ZNF697: variants seen among roughly 807,000 people sequenced by gnomAD.
ZNF697 encodes zinc finger protein 697.
In ZNF697, 23 loss-of-function variants were observed where a neutral mutation model predicts 32.4. The observed-to-expected ratio is 0.71, with a 90% CI of 0.51 to 1.01. ZNF697 has a LOEUF of 1.01. ZNF697 is among the 50% of genes least tolerant of loss of function. The probability of loss-of-function intolerance (pLI) is 0.00; values close to 1 mark genes in which losing one functional copy is unlikely to be tolerated. For synonymous variants in ZNF697, 418 were observed against 337.2 expected, an observed-to-expected ratio of 1.24 and a Z score of -2.62; for missense variants, 930 against 794.0, an observed-to-expected ratio of 1.17 and a Z score of -2.06.
At chr1:119,626,309 C>T (rs939457003) in intron 1 of ZNF697, among the ~76,000 whole-genome samples, 172 bp from the exon 2 acceptor site, 2 of 152,310 alleles carry the variant, frequency 1.3e-5, no homozygotes, top group South Asian at 4.2e-4. Flanking sequence ...GGAGGGTGGA[C>T]TGGGTGGCAG....
At position 119,621,517 on chromosome 1, in the gene ZNF697, A is replaced by C. The variant is rs1328293198; in HGVS notation, c.*1188T>G. The C allele has an allele frequency of 2.0e-5, 3 of 152,640 alleles. No homozygotes were observed. Among genetic ancestry groups the C allele is most frequent in the Non-Finnish European group, 2.9e-5 (2 of 68,044 alleles). The allele number at this position is 152,640 out of a possible 1,614,324, so 9.5% of individuals were successfully genotyped here. ...AATTTTGCATTTACACCTCTCCCTG[A>C]CTGGGCTCTTCTGGGTAAAGCCTTG... is the stretch of plus-strand genomic sequence containing the variant. On this transcript the variant is annotated 3_prime_UTR_variant, in exon 3 of 3. Transcript: ENST00000421812.
At chr1:119,634,413 C>G (rs184259278) in intron 1 of ZNF697, among the ~76,000 whole-genome samples, 1 of 152,254 alleles carries the variant, frequency 6.6e-6, no homozygotes, top group East Asian at 1.9e-4. Flanking sequence ...GACACCTCTC[C>G]CTATAATCTG....
chr1:119,623,985 C>T lies in ZNF697; in HGVS notation c.358G>A (p.Asp120Asn), dbSNP rs762361165. 15 of 1,611,552 alleles carry T rather than the reference C, an allele frequency of 9.3e-6. No individual in the cohort carries two copies. The East Asian group carries it at 3.1e-4, about 34-fold the overall frequency. The change falls in exon 3 of 3, where the codon GAC (aspartate) becomes AAC (asparagine). Residue 120 changes from aspartate (D) to asparagine (N), a missense_variant. Coordinates refer to ENST00000421812, the MANE Select transcript of ZNF697 (RefSeq NM_001080470.2). The stretch of plus-strand genomic sequence containing the variant: ...CGGTTCTCCCCAGCACTCTCGTCGT[C>T]GTCCTCCCGGAGGCTCCGGGATATG... ...DSISRSLREDDDESAGENRLE... is the reference protein window; with the variant it reads ...DSISRSLREDNDESAGENRLE...
At chr1:119,626,251 C>G (rs1029848149) in intron 1 of ZNF697, 114 bp from the exon 2 acceptor site, 2 of 1,334,796 alleles carry the variant, frequency 1.5e-6, no homozygotes, top group African/African-American at 1.5e-5. Flanking sequence ...CCCCAGATGG[C>G]AAACCTCCAC....
intron 2 of ZNF697, among the ~76,000 whole-genome samples, chr1:119,625,102 A>C (rs1345215456): frequency 6.6e-6 from 1 of 151,938 alleles, no homozygotes. Flanking sequence ...CGTATCCCCA[A>C]GCAGAGGGAA....
At chr1:119,635,625 A>C (rs1361635671) in intron 1 of ZNF697, among the ~76,000 whole-genome samples, 1 of 152,206 alleles carries the variant, frequency 6.6e-6, no homozygotes, top group African/African-American at 2.4e-5. Flanking sequence ...AAACTAATGA[A>C]AGGATGTGAG....
intron 1 of ZNF697, among the ~76,000 whole-genome samples, chr1:119,644,749 A>G (rs1280493570): frequency 6.6e-6 from 1 of 152,248 alleles, no homozygotes; most frequent in Admixed American, 6.5e-5. Context: ...GTAATCACAT[A>G]AAAAGAAGCA....
At chr1:119,645,815 A>G (rs771620530) in intron 1 of ZNF697, among the ~76,000 whole-genome samples, 2 of 152,200 alleles carry the variant, frequency 1.3e-5, no homozygotes, top group Non-Finnish European at 2.9e-5. Flanking sequence ...ATACAAAGAA[A>G]AGCCCATATG....
chr1:119,623,744 G>A lies in ZNF697; in HGVS notation c.599C>T (p.Pro200Leu). The change falls in exon 3 of 3, where the codon CCT (proline) becomes CTT (leucine). Residue 200 changes from proline to leucine, a missense_variant. Coordinates refer to ENST00000421812, the MANE Select transcript of ZNF697 (RefSeq NM_001080470.2). Reference sequence around the variant, plus strand: ...CTGGTGCTGCAGGAAGGCGGCGCCAGGACTGAAGCTCTCCCCGCAGTCGGG... The same window carrying A: ...CTGGTGCTGCAGGAAGGCGGCGCCAAGACTGAAGCTCTCCCCGCAGTCGGG... The part of the protein sequence containing the change: ...ICPDCGESFS[P>L]GAAFLQHQRI... 5 of 1,538,966 alleles carry A rather than the reference G, an allele frequency of 3.2e-6. No individual in the cohort carries two copies. The highest frequency in any genetic ancestry group is 4.4e-6 in the Non-Finnish European group (5 of 1,145,846).
intron 1 of ZNF697, among the ~76,000 whole-genome samples, chr1:119,631,640 G>C (rs1470988072): frequency 6.6e-6 from 1 of 152,208 alleles, no homozygotes; most frequent in East Asian, 1.9e-4. Context: ...CAGGGCAGAG[G>C]GCGGAGGAGT....
At chr1:119,631,476 C>A (rs587640943) in intron 1 of ZNF697, among the ~76,000 whole-genome samples, 30 of 152,354 alleles carry the variant, frequency 2.0e-4, no homozygotes, top group African/African-American at 7.0e-4. Context: ...AATGGCCAAG[C>A]GCGTTAGGAC....
chr1:119,634,181 T>C (rs1385862338), intron 1 of ZNF697, among the ~76,000 whole-genome samples: 1 of 152,198 alleles, frequency 6.6e-6, no homozygotes, highest in Non-Finnish European at 1.5e-5. Flanking sequence ...TCCACTGTAA[T>C]GAATAGCCCT....
intron 1 of ZNF697, among the ~76,000 whole-genome samples, chr1:119,631,825 T>A (rs185063754): frequency 2.0e-5 from 3 of 151,976 alleles, no homozygotes; most frequent in Admixed American, 6.6e-5. Flanking sequence ...CCCTACCTCC[T>A]CAGAGGAACG....
chr1:119,644,889 T>C (rs1445105503), intron 1 of ZNF697, among the ~76,000 whole-genome samples: 2 of 152,216 alleles, frequency 1.3e-5, no homozygotes, highest in African/African-American at 4.8e-5. Context: ...GCTTGGGCTA[T>C]AAAAATAAAA....
In ZNF697 at chr1:119,622,837, A is replaced by G. The variant is rs1476161096; in HGVS notation, c.1506T>C (p.Phe502=). 3.7e-6 allele frequency: 6 copies of G among 1,606,450 alleles called. No homozygotes were observed. The East Asian group carries it at 6.7e-5, about 18-fold the overall frequency. Residue 502 remains phenylalanine (F), a synonymous_variant, in exon 3 of 3, where the codon TTT becomes TTC. Coordinates refer to ENST00000421812, the MANE Select transcript of ZNF697 (RefSeq NM_001080470.2). ...PYTCIECGKS[F]IQSSHLIRHR... Reference sequence around the variant, plus strand: ...GGCGGATCAGGTGGGAGCTCTGGATAAAGCTCTTGCCGCACTCGATGCACG... The same window carrying G: ...GGCGGATCAGGTGGGAGCTCTGGATGAAGCTCTTGCCGCACTCGATGCACG...
rs970027065 is a variant in ZNF697, at chr1:119,621,351, G to A, written c.*1354C>T. ...TTCCCAGGCCTTCCCTAAGACAGCG[G>A]TCATAATACTGATCTAACTCACAAT... is the stretch of plus-strand genomic sequence containing the variant. On this transcript the variant is annotated 3_prime_UTR_variant, in exon 3 of 3. Coordinates refer to ENST00000421812, the MANE Select transcript of ZNF697 (RefSeq NM_001080470.2). The A allele has an allele frequency of 1.3e-5, 2 of 152,584 alleles. No individual in the cohort carries two copies. Among genetic ancestry groups the A allele is most frequent in the African/African-American group, 4.8e-5 (2 of 41,434 alleles). 9.5% of individuals were successfully genotyped at this position (152,584 alleles called of 1,614,324 possible).
At chr1:119,633,004 A>C (rs1173341855) in intron 1 of ZNF697, among the ~76,000 whole-genome samples, 1 of 152,190 alleles carries the variant, frequency 6.6e-6, no homozygotes, top group Non-Finnish European at 1.5e-5. Flanking sequence ...TAGTAAGAGA[A>C]ACTTTGGGCA....
At chr1:119,634,577 A>G (rs1648871264) in intron 1 of ZNF697, among the ~76,000 whole-genome samples, 1 of 152,242 alleles carries the variant, frequency 6.6e-6, no homozygotes, top group Non-Finnish European at 1.5e-5. Context: ...GTTTGAAATA[A>G]TTACATACCT....
intron 2 of ZNF697, among the ~76,000 whole-genome samples, chr1:119,624,494 G>C (rs1648513400): frequency 2.6e-5 from 4 of 152,256 alleles, no homozygotes; most frequent in Admixed American, 2.0e-4. Context: ...CACTCCAAGA[G>C]CTACCAATGC....
Sources: gnomAD v4.1 joint callset for allele counts (sites outside exome capture counted in the v4.1 genomes callset) on GRCh38, gnomAD v4.1.1 for gene constraint, MANE v1.5 for transcripts, NCBI Gene and HGNC (gene_info 2026-07-23, HGNC 2026-07-21) for gene names.